Variants in ANXA13 observed in about 807,000 individuals in gnomAD.
ANXA13 encodes the protein annexin A13, also known as annexin XIII.
In ANXA13, 36 loss-of-function variants were observed where a neutral mutation model predicts 46.6. The ratio of observed to expected loss-of-function variants is 0.77; its 90% CI spans 0.59 to 1.02. ANXA13 has a LOEUF of 1.02. Among genes scored for constraint, ANXA13 ranks in the 50% least tolerant of loss-of-function variants. ANXA13 has a pLI of 0.00. For synonymous variants in ANXA13, 163 were observed against 152.9 expected, an observed-to-expected ratio of 1.07 and a Z score of -0.49; for missense variants, 417 against 396.5, an observed-to-expected ratio of 1.05 and a Z score of -0.44.
chr8:123,707,776 A>G (rs2129884027), intron 2 of ANXA13, among the ~76,000 whole-genome samples: 1 of 152,238 alleles, frequency 6.6e-6, no homozygotes, highest in Middle Eastern at 3.4e-3. Context: ...GCAAACCACC[A>G]TGGCATATGT....
chr8:123,717,170 T>C (rs1348642149), intron 1 of ANXA13, among the ~76,000 whole-genome samples: 1 of 152,240 alleles, frequency 6.6e-6, no homozygotes, highest in Admixed American at 6.5e-5. Context: ...TGAATGAGGA[T>C]CTGCCTCTTA....
chr8:123,698,922 A>G (rs1471495113), intron 3 of ANXA13, among the ~76,000 whole-genome samples: 2 of 152,162 alleles, frequency 1.3e-5, no homozygotes, highest in Non-Finnish European at 2.9e-5. Flanking sequence ...ATTTTCCCCA[A>G]ATATTCAGCT....
chr8:123,730,722 C>T (rs1414391309), intron 1 of ANXA13, among the ~76,000 whole-genome samples: 2 of 152,182 alleles, frequency 1.3e-5, no homozygotes, highest in Non-Finnish European at 2.9e-5. Flanking sequence ...TTACCCCAGA[C>T]TGGGTAATTT....
intron 2 of ANXA13, among the ~76,000 whole-genome samples, chr8:123,708,144 T>G (rs1328651200): frequency 7.9e-5 from 12 of 152,192 alleles, no homozygotes. Context: ...TACAATGGTT[T>G]GAGGCACCAG....
intron 3 of ANXA13, among the ~76,000 whole-genome samples, chr8:123,700,821 T>G (rs1308061952): frequency 6.6e-6 from 1 of 151,910 alleles, no homozygotes; most frequent in Non-Finnish European, 1.5e-5. Flanking sequence ...CTCTTTTTCT[T>G]TTCTTTTCTT....
At chr8:123,700,267 G>T (rs1813417935) in intron 3 of ANXA13, among the ~76,000 whole-genome samples, 1 of 152,082 alleles carries the variant, frequency 6.6e-6, no homozygotes, top group Admixed American at 6.5e-5. Flanking sequence ...CTGCAGAGAA[G>T]AAAAATCCCA....
rs959453610 is a variant in ANXA13 at position 123,698,266 on chromosome 8, A to G, written c.357+123T>C. On this transcript the variant is annotated intron_variant, in intron 4 of 10. Transcript: ENST00000419625. ...CCTCCCACATGGACCAAGCACACAT[A>G]TGTCTCCCCAGACACCTGCTCAGTC... 2.6e-5 allele frequency: 28 copies of G among 1,056,652 alleles called. No homozygotes were observed. In the African/African-American group the frequency reaches 4.3e-4, roughly 16 times the overall value. The allele number at this position is 1,056,652 out of a possible 1,614,324, so 65.5% of individuals were successfully genotyped here.
intron 7 of ANXA13, 41 bp downstream of exon 7, chr8:123,693,669 TA>T (rs1353756553): frequency 2.6e-6 from 4 of 1,539,436 alleles, no homozygotes; most frequent in Admixed American, 2.0e-5. Flanking sequence ...CTAATAAATT[TA>T]AAAAAAGAAT....
At chr8:123,713,819 C>T (rs1813707239) in intron 1 of ANXA13, among the ~76,000 whole-genome samples, 1 of 152,074 alleles carries the variant, frequency 6.6e-6, no homozygotes, top group Non-Finnish European at 1.5e-5. Context: ...TCAGCCTCCC[C>T]ATAGCTGGGA....
chr8:123,708,308 A>C (rs1234748719), intron 2 of ANXA13, among the ~76,000 whole-genome samples: 1 of 152,188 alleles, frequency 6.6e-6, no homozygotes, highest in Non-Finnish European at 1.5e-5. Context: ...TGCTTTTCCG[A>C]GAAATTTTCT....
At chr8:123,711,659 G>A (rs1813660921) in intron 2 of ANXA13, 1 of 149,984 alleles carries the variant, frequency 6.7e-6, no homozygotes, top group Non-Finnish European at 1.5e-5. Flanking sequence ...CTGTCACCCA[G>A]GCTGGAGTGT....
At chr8:123,728,332 T>C (rs1462384594) in intron 1 of ANXA13, 2 of 152,146 alleles carry the variant, frequency 1.3e-5, no homozygotes, top group Non-Finnish European at 2.9e-5. Context: ...AAAGAGAACT[T>C]GGAGGATAAA....
chr8:123,721,539 A>C (rs1813872835), intron 1 of ANXA13, among the ~76,000 whole-genome samples: 1 of 152,016 alleles, frequency 6.6e-6, no homozygotes, highest in African/African-American at 2.4e-5. Context: ...TTCCATCTTG[A>C]CCTGATTCCT....
intron 2 of ANXA13, among the ~76,000 whole-genome samples, chr8:123,703,349 G>A (rs1813481397): frequency 6.6e-6 from 1 of 151,996 alleles, no homozygotes; most frequent in South Asian, 2.1e-4. Flanking sequence ...GGGGTGGGTG[G>A]GCTGCCTAGG....
intron 1 of ANXA13, among the ~76,000 whole-genome samples, chr8:123,733,079 C>T (rs2129954737): frequency 6.6e-6 from 1 of 152,098 alleles, no homozygotes; most frequent in Non-Finnish European, 1.5e-5. Context: ...AAAAGGATTG[C>T]TTGAACCAGG....
chr8:123,730,899 TGCATTCCGG>T (rs1814104997), intron 1 of ANXA13, among the ~76,000 whole-genome samples: 1 of 152,136 alleles, frequency 6.6e-6, no homozygotes, highest in Admixed American at 6.5e-5. Flanking sequence ...TTCTCCGGGC[TGCATTCCGG>T]GTGAGAAGCC....
intron 2 of ANXA13, among the ~76,000 whole-genome samples, chr8:123,703,735 G>A (rs990971525): frequency 2.0e-5 from 3 of 152,130 alleles, no homozygotes; most frequent in Non-Finnish European, 2.9e-5. Flanking sequence ...ATTTTTAGAA[G>A]CTTTTTTACC....
intron 1 of ANXA13, chr8:123,735,953 A>C: frequency 1.0e-5 from 15 of 1,479,438 alleles, no homozygotes; most frequent in Non-Finnish European, 1.4e-5. Context: ...TGACTTTCAA[A>C]AGACAAAATT....
intron 2 of ANXA13, among the ~76,000 whole-genome samples, chr8:123,707,637 T>C (rs1365945353): frequency 6.6e-6 from 1 of 151,558 alleles, no homozygotes; most frequent in East Asian, 1.9e-4. Flanking sequence ...TAAGTGAGAG[T>C]TGAACAATGA....
Sources: gnomAD v4.1 joint callset for allele counts (sites outside exome capture counted in the v4.1 genomes callset) on GRCh38, gnomAD v4.1.1 for gene constraint, MANE v1.5 for transcripts, NCBI Gene and HGNC (gene_info 2026-07-23, HGNC 2026-07-21) for gene names.